Variants in NNT observed in about 807,000 individuals in gnomAD.
NNT encodes the protein nicotinamide nucleotide transhydrogenase.
NNT carries 50 observed loss-of-function variants against 104.8 expected under a neutral mutation model. The observed-to-expected ratio is 0.48, with a 90% CI of 0.38 to 0.60. The LOEUF is 0.60. Ranked by LOEUF, NNT falls within the 20% of genes least tolerant of loss-of-function variation. The probability of loss-of-function intolerance (pLI) is 0.00; values close to 1 mark genes in which losing one functional copy is unlikely to be tolerated. For missense variants in NNT, 1,131 were observed against 1,330.7 expected, an observed-to-expected ratio of 0.85 and a Z score of 2.33; for synonymous variants, 461 against 490.4, an observed-to-expected ratio of 0.94 and a Z score of 0.79.
In NNT at chr5:43,656,667, G is replaced by T; in HGVS notation, c.2308G>T (p.Ala770Ser). Reference sequence around the variant, plus strand: ...CTTGGCTCTAGGTCTCCTGAAATCTGCCCCTCTCCTACTGCCTGGAAGGCA... The same window carrying T: ...CTTGGCTCTAGGTCTCCTGAAATCTTCCCCTCTCCTACTGCCTGGAAGGCA... ...YGKLQGLLKS[A>S]PLLLPGRHLL... Residue 770 changes from alanine (A) to serine (S), a missense_variant, in exon 16 of 22, where the codon GCC becomes TCC. Ala to Ser is a moderately conservative substitution (Grantham distance 99, BLOSUM62 1). Transcript: ENST00000344920. The T allele has an allele frequency of 6.2e-7, 1 of 1,612,172 alleles. No individual in the cohort carries two copies. The highest frequency in any genetic ancestry group is 1.7e-5 in the Admixed American group (1 of 59,400).
chr5:43,684,184 C>A lies in NNT; in HGVS notation c.2876+6378C>A, dbSNP rs115025329. Among the ~76,000 whole-genome samples, 1,424 of 151,788 alleles carry A rather than the reference C, an allele frequency of 9.4e-3. 9 individuals are homozygous for A. Among genetic ancestry groups the A allele is most frequent in the Non-Finnish European group, 0.015 (1,019 of 67,932 alleles). ...ATTATTCTGCATTAGAAAAATTGTT[C>A]CCCTGAGATATTTTCGTAAGCTTTC... On this transcript the variant is annotated intron_variant, in intron 19 of 21. Transcript: ENST00000344920.
intron 10 of NNT, 40 bp from the exon 11 acceptor site, chr5:43,649,107 G>A (rs1220608752): frequency 6.2e-7 from 1 of 1,603,852 alleles, no homozygotes; most frequent in East Asian, 2.2e-5. Flanking sequence ...TGAGATAACT[G>A]GATGTCAGCT....
intron 7 of NNT, among the ~76,000 whole-genome samples, chr5:43,635,618 G>A (rs1353447814): frequency 6.6e-6 from 1 of 152,162 alleles, no homozygotes; most frequent in African/African-American, 2.4e-5. Context: ...GAGGATAGAT[G>A]TATAAGGTCA....
intron 21 of NNT, among the ~76,000 whole-genome samples, chr5:43,703,761 A>C (rs1742978630): frequency 6.6e-6 from 1 of 152,170 alleles, no homozygotes; most frequent in Non-Finnish European, 1.5e-5. Flanking sequence ...CTATTGTGAG[A>C]AGCTGGATTG....
At chr5:43,613,247 CA>C in intron 3 of NNT, 110 bp downstream of exon 3, 1 of 844,334 alleles carries the variant, frequency 1.2e-6, no homozygotes, top group South Asian at 1.9e-5. Flanking sequence ...TATTTTCAAA[CA>C]GTGTATTTTT....
rs754092606 is a variant in NNT at position 43,609,151 on chromosome 5, C to T, written c.-45C>T. Reference sequence around the variant, plus strand: ...ATTTTCTTTTTTCTTAGTGATTTGCCTTCAAGGAAACTGGGGAGTCAGAAA... The same window carrying T: ...ATTTTCTTTTTTCTTAGTGATTTGCTTTCAAGGAAACTGGGGAGTCAGAAA... On this transcript the variant is annotated 5_prime_UTR_variant, in exon 2 of 22. Coordinates refer to ENST00000344920, the MANE Select transcript of NNT (RefSeq NM_182977.3). The T allele has an allele frequency of 2.8e-5, 43 of 1,544,452 alleles. No homozygotes were observed. In the Admixed American group the frequency reaches 5.6e-4, roughly 20 times the overall value.
chr5:43,653,236 C>A, intron 14 of NNT, 23 bp downstream of exon 14: 1 of 1,583,580 alleles, frequency 6.3e-7, no homozygotes, highest in Non-Finnish European at 8.6e-7. Flanking sequence ...GGGCTTCTGC[C>A]TTCATGTGAA....
chr5:43,669,163 G>A (rs1251771944), intron 17 of NNT, among the ~76,000 whole-genome samples: 3 of 152,098 alleles, frequency 2.0e-5, no homozygotes, highest in Admixed American at 2.0e-4. Context: ...TTGCTTATCA[G>A]CTTAAGGAGA....
At chr5:43,665,183 T>A (rs62367651) in intron 17 of NNT, among the ~76,000 whole-genome samples, 5,075 of 151,588 alleles carry the variant, frequency 0.033, 128 homozygotes, top group East Asian at 0.12. Context: ...ACCTCTTTGT[T>A]CACTGGATTT....
chr5:43,659,810 C>G (rs746963730), intron 17 of NNT, among the ~76,000 whole-genome samples: 1 of 152,072 alleles, frequency 6.6e-6, no homozygotes, highest in Non-Finnish European at 1.5e-5. Flanking sequence ...ATTTCCAAGA[C>G]TGCCTTTAAG....
chr5:43,655,928 T>TA lies in NNT; in HGVS notation c.2149dup (p.Thr717AsnfsTer5). The TA allele has an allele frequency of 6.2e-7, 1 of 1,614,090 alleles. No homozygotes were observed. The highest frequency in any genetic ancestry group is 8.5e-7 in the Non-Finnish European group (1 of 1,179,902). ...GTTTAGTGGGTTTGGCAGCTGTACT[T>TA]ACTTGCATAGCTGAGTACATTATAG... On this transcript the variant is annotated frameshift_variant, in exon 15 of 22. Coordinates refer to ENST00000344920, the MANE Select transcript of NNT (RefSeq NM_182977.3). LOFTEE classifies it high-confidence loss of function.
At position 43,706,589 on chromosome 5, in the gene NNT, A is replaced by T. The variant is rs963746664; in HGVS notation, c.*2185A>T. On this transcript the variant is annotated 3_prime_UTR_variant, in exon 22 of 22. Coordinates refer to ENST00000344920, the MANE Select transcript of NNT (RefSeq NM_182977.3). ...GAGTTTGTGTTTAAATTACTCATCT[A>T]AGCAAAAAATGTATATAAATCCCAT... is the stretch of plus-strand genomic sequence containing the variant. 1 of 152,190 alleles carries T rather than the reference A, an allele frequency of 6.6e-6. No homozygotes were observed. 9.4% of individuals were successfully genotyped at this position (152,190 alleles called of 1,614,324 possible).
chr5:43,652,885 A>T, intron 13 of NNT, 133 bp from the exon 14 acceptor site: 1 of 597,540 alleles, frequency 1.7e-6, no homozygotes, highest in South Asian at 4.2e-5. Flanking sequence ...AATTTATATA[A>T]ATGGTATAAG....
At chr5:43,690,654 A>T (rs1267700592) in intron 19 of NNT, among the ~76,000 whole-genome samples, 1 of 152,198 alleles carries the variant, frequency 6.6e-6, no homozygotes, top group Admixed American at 6.5e-5. Flanking sequence ...TGCTCTTACT[A>T]GTGGTTAAGA....
At chr5:43,691,438 G>A (rs1334553106) in intron 19 of NNT, among the ~76,000 whole-genome samples, 2 of 152,054 alleles carry the variant, frequency 1.3e-5, no homozygotes, top group Non-Finnish European at 2.9e-5. Context: ...TAGCTATTTT[G>A]TCTTTCTCTT....
At chr5:43,680,388 A>T (rs147013813) in intron 19 of NNT, among the ~76,000 whole-genome samples, 3 of 152,078 alleles carry the variant, frequency 2.0e-5, no homozygotes, top group Non-Finnish European at 4.4e-5. Context: ...TAGTCCTTTC[A>T]TCACTCTGTG....
intron 1 of NNT, among the ~76,000 whole-genome samples, chr5:43,607,525 A>G (rs1363798598): frequency 6.6e-6 from 1 of 152,192 alleles, no homozygotes; most frequent in South Asian, 2.1e-4. Context: ...GACTCAGCCC[A>G]CTTGCACCCA....
rs1743018575 is a variant in NNT at position 43,704,524 on chromosome 5, A to C, written c.*120A>C. On this transcript the variant is annotated 3_prime_UTR_variant, in exon 22 of 22. Coordinates refer to ENST00000344920, the MANE Select transcript of NNT (RefSeq NM_182977.3). ...AGCAAAGCTCTTGGAGAAAATGAAG[A>C]CTGAAGAAAGCAAAGCAAAAACTGT... 2.8e-6 allele frequency: 3 copies of C among 1,073,450 alleles called. No homozygotes were observed. The highest frequency in any genetic ancestry group is 1.7e-5 in the South Asian group (1 of 59,094). The allele number at this position is 1,073,450 out of a possible 1,614,324, so 66.5% of individuals were successfully genotyped here. A position where few individuals can be genotyped will look rare whatever the true frequency, so the allele number is the denominator to read the frequency against.
Position 43,659,208 on chromosome 5 carries a change from T to G in NNT, c.2492T>G (p.Met831Arg). The G allele has an allele frequency of 6.2e-7, 1 of 1,613,420 alleles. No homozygotes were observed. The highest frequency in any genetic ancestry group is 8.5e-7 in the Non-Finnish European group (1 of 1,179,638). The change falls in exon 17 of 22, where the codon ATG becomes AGG. Residue 831 changes from methionine to arginine, a missense_variant. Physicochemically the swap from Met to Arg is moderately conservative, Grantham distance 91 (BLOSUM62 -1). Transcript: ENST00000344920. ...TLTAAIGGAD[M>R]PVVITVLNSY... Reference sequence around the variant, plus strand: ...ACAGCTGCTATTGGGGGTGCTGACATGCCCGTCGTTATCACTGTGCTGAAC... The same window carrying G: ...ACAGCTGCTATTGGGGGTGCTGACAGGCCCGTCGTTATCACTGTGCTGAAC...
Sources: allele counts gnomAD v4.1 joint callset (sites outside exome capture counted in the v4.1 genomes callset), GRCh38; gene constraint gnomAD v4.1.1; transcripts MANE v1.5; gene names NCBI Gene and HGNC (gene_info 2026-07-23, HGNC 2026-07-21).